Variants in LHFPL7 observed in about 807,000 individuals in gnomAD.
LHFPL7 encodes LHFPL tetraspan subfamily member 7.
At chr22:24,940,479 C>G in the LHFPL7 span, among the ~76,000 whole-genome samples, 3 of 151,162 alleles carry the variant, frequency 2.0e-5, no homozygotes, top group African/African-American at 7.3e-5. Flanking sequence ...GCCTGTAGTC[C>G]CAGCTACTTG....
At chr22:24,939,393 C>G in the LHFPL7 span, 1 of 703,018 alleles carries the variant, frequency 1.4e-6, no homozygotes, top group Non-Finnish European at 2.6e-6. Context: ...GCTCTGGTTC[C>G]AACTGTTGCC....
chr22:24,944,028 C>T, the LHFPL7 span, among the ~76,000 whole-genome samples: 2 of 152,176 alleles, frequency 1.3e-5, no homozygotes, highest in East Asian at 3.8e-4. Context: ...CAGTGGTGAA[C>T]AGAACGTAGT....
chr22:24,938,011 C>T, the LHFPL7 span: 2 of 1,320,758 alleles, frequency 1.5e-6, no homozygotes, highest in Non-Finnish European at 2.0e-6. Flanking sequence ...CAGGAATAGT[C>T]AACAATCCTA....
At chr22:24,940,155 T>A in the LHFPL7 span, among the ~76,000 whole-genome samples, 10 of 149,522 alleles carry the variant, frequency 6.7e-5, no homozygotes, top group African/African-American at 2.4e-4. Flanking sequence ...CTCGATCTCC[T>A]GACCTTGTGA....
chr22:24,936,825 GGTCAGGTGTTTCCTGGA>G, the LHFPL7 span, among the ~76,000 whole-genome samples: 3 of 152,080 alleles, frequency 2.0e-5, no homozygotes, highest in African/African-American at 7.2e-5. Flanking sequence ...CCATGCACTG[GGTCAGGTGTTTCCTGGA>G]GTTTTTTCTA....
At chr22:24,940,857 C>T in the LHFPL7 span, among the ~76,000 whole-genome samples, 1 of 151,360 alleles carries the variant, frequency 6.6e-6, no homozygotes, top group Non-Finnish European at 1.5e-5. Flanking sequence ...ACCTCAAACT[C>T]CTGGGTTCAA....
At chr22:24,936,914 C>A in the LHFPL7 span, among the ~76,000 whole-genome samples, 1 of 152,034 alleles carries the variant, frequency 6.6e-6, no homozygotes, top group African/African-American at 2.4e-5. Context: ...CAACCCCCGC[C>A]CCCCCCGCCG....
chr22:24,939,082 G>A, the LHFPL7 span, among the ~76,000 whole-genome samples: 1 of 152,158 alleles, frequency 6.6e-6, no homozygotes, highest in Admixed American at 6.5e-5. Flanking sequence ...CCCACTCCAC[G>A]CCTACAGAGA....
the LHFPL7 span, chr22:24,935,625 G>A: frequency 1.9e-6 from 3 of 1,593,698 alleles, no homozygotes; most frequent in Admixed American, 3.4e-5. Context: ...AAGACAATGT[G>A]TTGGCCAAGG....
the LHFPL7 span, among the ~76,000 whole-genome samples, chr22:24,937,993 CA>C: frequency 2.0e-5 from 3 of 152,192 alleles, no homozygotes; most frequent in African/African-American, 7.2e-5. Flanking sequence ...TCTGGCTTGC[CA>C]AAGGACCAGG....
At chr22:24,946,543 C>T in the LHFPL7 span, 1 of 152,322 alleles carries the variant, frequency 6.6e-6, no homozygotes, top group African/African-American at 2.4e-5. Flanking sequence ...TCACTCCTCA[C>T]CTCAGGTCAC....
At chr22:24,939,010 C>T in the LHFPL7 span, among the ~76,000 whole-genome samples, 76,550 of 152,008 alleles carry the variant, frequency 0.5, 19,838 homozygotes, top group East Asian at 0.74. Flanking sequence ...GAAGGTGCTA[C>T]ATTGGCCGGC....
At chr22:24,940,671 T>TTCCTTCCTTCCTTCCTTCCTTCCC in the LHFPL7 span, among the ~76,000 whole-genome samples, 2 of 115,480 alleles carry the variant, frequency 1.7e-5, no homozygotes, top group Non-Finnish European at 3.4e-5. Flanking sequence ...CCTTCCTTCC[T>TTCCTTCCTTCCTTCCTTCCTTCCC]TCCCTCCTTC....
the LHFPL7 span, among the ~76,000 whole-genome samples, chr22:24,939,159 T>C: frequency 2.6e-5 from 4 of 152,202 alleles, no homozygotes; most frequent in Non-Finnish European, 4.4e-5. Context: ...TCTGAAGGGC[T>C]GTCAGGTTGA....
chr22:24,942,892 AGTGTGTGTGT>A, the LHFPL7 span, among the ~76,000 whole-genome samples: 604 of 128,116 alleles, frequency 4.7e-3, 1 homozygote, highest in East Asian at 0.013. Context: ...AAGGGGATAA[AGTGTGTGTGT>A]GTGTGTGTGT....
At chr22:24,935,338 T>C in the LHFPL7 span, 1 of 1,611,786 alleles carries the variant, frequency 6.2e-7, no homozygotes, top group African/African-American at 1.3e-5. Context: ...GATTTTTATT[T>C]GTTCATTTCT....
the LHFPL7 span, among the ~76,000 whole-genome samples, chr22:24,939,720 G>A: frequency 6.6e-6 from 1 of 152,054 alleles, no homozygotes; most frequent in African/African-American, 2.4e-5. Flanking sequence ...ACTGTGGTCT[G>A]GTAGTGGGGG....
At chr22:24,944,041 C>T in the LHFPL7 span, among the ~76,000 whole-genome samples, 6 of 152,290 alleles carry the variant, frequency 3.9e-5, no homozygotes, top group East Asian at 9.7e-4. Flanking sequence ...AACGTAGTCC[C>T]CACCTTCAAA....
the LHFPL7 span, among the ~76,000 whole-genome samples, chr22:24,940,595 CAA>C: frequency 3.2e-5 from 4 of 124,376 alleles, no homozygotes; most frequent in Admixed American, 1.7e-4. Context: ...GACTCCGTCT[CAA>C]AAAAAAAAAA....
Sources: allele counts gnomAD v4.1 joint callset (sites outside exome capture counted in the v4.1 genomes callset), GRCh38; gene constraint gnomAD v4.1.1; transcripts MANE v1.5; gene names NCBI Gene and HGNC (gene_info 2026-07-23, HGNC 2026-07-21).